Variants in RAB27B observed in about 807,000 individuals in gnomAD.
The protein encoded by RAB27B is RAB27B, member RAS oncogene family.
RAB27B carries 15 observed loss-of-function variants against 24.6 expected under a neutral mutation model. The observed-to-expected ratio is 0.61, with a 90% CI of 0.41 to 0.94. The LOEUF is 0.94. Among genes scored for constraint, RAB27B ranks in the 40% least tolerant of loss-of-function variants. RAB27B has a pLI of 0.00. For missense variants in RAB27B, 261 were observed against 266.8 expected (o/e 0.98, Z 0.15); for synonymous variants, 105 against 92.5 (o/e 1.14, Z -0.78).
chr18:54,778,450 A>G (rs1202391176), intron 2 of RAB27B, among the ~76,000 whole-genome samples: 1 of 152,168 alleles, frequency 6.6e-6, no homozygotes, highest in African/African-American at 2.4e-5. Context: ...TGAACCTGTA[A>G]AGGGAGATAA....
chr18:54,811,400 G>A (rs1212271553), intron 2 of RAB27B, among the ~76,000 whole-genome samples: 3 of 152,154 alleles, frequency 2.0e-5, no homozygotes, highest in Admixed American at 6.6e-5. Flanking sequence ...AGTCCGGAAC[G>A]GTGGGACAAC....
At position 54,749,658 on chromosome 18, in the gene RAB27B, GT is replaced by G. The variant is rs1907766689; in HGVS notation, c.-20+31519del. Among the ~76,000 whole-genome samples, 6 of 152,270 alleles carry G rather than the reference GT, an allele frequency of 3.9e-5. No homozygotes were observed. In the South Asian group the frequency reaches 1.2e-3, roughly 32 times the overall value. On this transcript the variant is annotated intron_variant, in intron 2 of 4. Transcript: ENST00000586570. ...CAATTTTTTTATTTCTAAAAAGAATGTTATATTTTTTAAAAGCTACTGAGTG... is the reference window on the plus strand; with the variant it reads ...CAATTTTTTTATTTCTAAAAAGAATGTATATTTTTTAAAAGCTACTGAGTG...
At chr18:54,720,432 C>G (rs1157376162) in intron 2 of RAB27B, among the ~76,000 whole-genome samples, 2 of 152,062 alleles carry the variant, frequency 1.3e-5, no homozygotes, top group Admixed American at 1.3e-4. Context: ...ATTTCACCAA[C>G]AGCAGTACTT....
rs1913327517 is a variant in RAB27B, at chr18:54,890,567, G to A, written c.*1154G>A. ...ACTTTGAATCAATTGCAGAAATGCA[G>A]GTGTGTTACTTTGTTGATCAATAAC... is the stretch of plus-strand genomic sequence containing the variant. On this transcript the variant is annotated 3_prime_UTR_variant, in exon 6 of 6. Coordinates refer to ENST00000262094, the MANE Select transcript of RAB27B (RefSeq NM_004163.4). 1.3e-5 allele frequency: 2 copies of A among 152,142 alleles called. No homozygotes were observed. The highest frequency in any genetic ancestry group is 2.9e-5 in the Non-Finnish European group (2 of 68,020). 9.4% of individuals were successfully genotyped at this position (152,142 alleles called of 1,614,324 possible).
intron 2 of RAB27B, among the ~76,000 whole-genome samples, chr18:54,729,617 T>C (rs544492372): frequency 2.0e-5 from 3 of 152,332 alleles, no homozygotes; most frequent in Non-Finnish European, 2.9e-5. Context: ...AAGTGTGTTA[T>C]AAAGTTTTTG....
At chr18:54,725,378 A>G (rs1169209076) in intron 2 of RAB27B, among the ~76,000 whole-genome samples, 4 of 151,512 alleles carry the variant, frequency 2.6e-5, no homozygotes, top group African/African-American at 9.7e-5. Flanking sequence ...GTTTCCAAAC[A>G]GTGACTGAAC....
At chr18:54,873,946 G>A (rs1236907457) in intron 1 of RAB27B, among the ~76,000 whole-genome samples, 1 of 152,180 alleles carries the variant, frequency 6.6e-6, no homozygotes, top group African/African-American at 2.4e-5. Context: ...ATGTCAGGAA[G>A]TGTCCAGCAC....
At chr18:54,789,931 A>G (rs539454000) in intron 2 of RAB27B, among the ~76,000 whole-genome samples, 8 of 152,238 alleles carry the variant, frequency 5.3e-5, no homozygotes, top group Non-Finnish European at 1.0e-4. Flanking sequence ...AATTTGAGAT[A>G]AATTGCTATA....
At chr18:54,845,386 G>T (rs542944700) in intron 1 of RAB27B, among the ~76,000 whole-genome samples, 4 of 121,932 alleles carry the variant, frequency 3.3e-5, no homozygotes, top group African/African-American at 1.2e-4. Context: ...CAGCCTGGGC[G>T]ATAAGTGAGA....
In RAB27B at chr18:54,851,134, A is replaced by G. The variant is rs78231625; in HGVS notation, c.-20+22434A>G. On this transcript the variant is annotated intron_variant, in intron 1 of 5. Transcript: ENST00000262094. ...TTGTTAATATTCTATATATATCTAC[A>G]CTGAGAAAATCAGACTGTAATAGCA... Among the ~76,000 whole-genome samples the G allele has an allele frequency of 5.2e-3, 796 of 152,300 alleles. 5 individuals carry two copies. The highest frequency in any genetic ancestry group is 0.018 in the African/African-American group (758 of 41,570).
chr18:54,851,987 C>G (rs1422742780), intron 1 of RAB27B, among the ~76,000 whole-genome samples: 1 of 152,160 alleles, frequency 6.6e-6, no homozygotes, highest in East Asian at 1.9e-4. Flanking sequence ...TTTTATGCTA[C>G]TTTTCTTCAC....
chr18:54,738,305 C>T (rs935812413), intron 2 of RAB27B, among the ~76,000 whole-genome samples: 1 of 152,180 alleles, frequency 6.6e-6, no homozygotes, highest in Admixed American at 6.5e-5. Context: ...CGTGTCCCCA[C>T]CCAAATCTCA....
At chr18:54,736,724 G>T in intron 2 of RAB27B, among the ~76,000 whole-genome samples, 1 of 152,108 alleles carries the variant, frequency 6.6e-6, no homozygotes, top group Middle Eastern at 3.2e-3. Context: ...AATTTTCTAG[G>T]CTAAGGGGGG....
At chr18:54,790,953 A>C (rs1432512476) in intron 2 of RAB27B, among the ~76,000 whole-genome samples, 1 of 152,300 alleles carries the variant, frequency 6.6e-6, no homozygotes, top group African/African-American at 2.4e-5. Context: ...TCTAAATACA[A>C]ATTTCATCCT....
chr18:54,799,044 A>T (rs971515478), intron 2 of RAB27B, among the ~76,000 whole-genome samples: 1 of 152,204 alleles, frequency 6.6e-6, no homozygotes, highest in Non-Finnish European at 1.5e-5. Flanking sequence ...TAAAATTACT[A>T]TTGTCATTGA....
chr18:54,787,461 G>T (rs546534433), intron 2 of RAB27B, among the ~76,000 whole-genome samples: 20 of 152,276 alleles, frequency 1.3e-4, no homozygotes, highest in Non-Finnish European at 1.5e-5. Flanking sequence ...CCCCATGGGA[G>T]CTTCTAAAGT....
chr18:54,813,408 G>A (rs988646698), intron 2 of RAB27B, among the ~76,000 whole-genome samples: 2 of 152,178 alleles, frequency 1.3e-5, no homozygotes, highest in South Asian at 2.1e-4. Context: ...TTGACAGTGG[G>A]ATGTAGTGGG....
At chr18:54,718,771 G>A (rs551486039) in intron 2 of RAB27B, among the ~76,000 whole-genome samples, 1 of 152,262 alleles carries the variant, frequency 6.6e-6, no homozygotes, top group African/African-American at 2.4e-5. Context: ...TTTGCTATTA[G>A]AAAACCCAAA....
intron 1 of RAB27B, among the ~76,000 whole-genome samples, chr18:54,855,487 A>G (rs1911747202): frequency 6.6e-6 from 1 of 152,234 alleles, no homozygotes; most frequent in Admixed American, 6.5e-5. Flanking sequence ...CTCCATTAGC[A>G]GCCTTGGATA....
Sources: allele counts gnomAD v4.1 joint callset (sites outside exome capture counted in the v4.1 genomes callset), GRCh38; gene constraint gnomAD v4.1.1; transcripts MANE v1.5; gene names NCBI Gene and HGNC (gene_info 2026-07-23, HGNC 2026-07-21).